Variants in PCDHGB2 observed in about 807,000 individuals in gnomAD.
The protein encoded by PCDHGB2 is protocadherin gamma subfamily B, 2.
PCDHGB2 carries 55 observed loss-of-function variants against 59.3 expected under a neutral mutation model. The ratio of observed to expected loss-of-function variants is 0.93; its 90% CI spans 0.75 to 1.16. PCDHGB2 has a LOEUF of 1.16. PCDHGB2 is among the 50% of genes most tolerant of loss of function. The pLI, the probability that PCDHGB2 is intolerant of heterozygous loss-of-function variation, is 0.00. For missense variants in PCDHGB2, 1,228 were observed against 1,198.5 expected (o/e 1.02, Z -0.36); for synonymous variants, 516 against 512.0 (o/e 1.01, Z -0.11).
At chr5:141,410,706 G>A in intron 1 of PCDHGB2, 1 of 1,454,410 alleles carries the variant, frequency 6.9e-7, no homozygotes, top group Non-Finnish European at 9.2e-7. Flanking sequence ...TTCATATCTA[G>A]AATCATATGT....
chr5:141,393,481 C>G (rs368525192), intron 1 of PCDHGB2: 11 of 1,613,948 alleles, frequency 6.8e-6, no homozygotes, highest in African/African-American at 5.3e-5. Flanking sequence ...CCGCCTCGCT[C>G]TAGCACAGTG....
intron 1 of PCDHGB2, chr5:141,433,358 C>CCCAT (rs1554125967): frequency 7.1e-5 from 36 of 503,934 alleles, no homozygotes; most frequent in African/African-American, 1.2e-4. Flanking sequence ...CTACTGTCTG[C>CCCAT]CTATCTATCT....
chr5:141,393,428 G>A (rs1043256482), intron 1 of PCDHGB2: 2 of 1,614,042 alleles, frequency 1.2e-6, no homozygotes, highest in Admixed American at 1.7e-5. Flanking sequence ...GGGAGGAAGA[G>A]GCTGCTCACC....
intron 1 of PCDHGB2, chr5:141,478,076 C>A: frequency 6.2e-7 from 1 of 1,614,106 alleles, no homozygotes. Context: ...CAATGGGGAG[C>A]CTTCGCTCTC....
chr5:141,433,017 A>G, intron 1 of PCDHGB2: 2 of 1,614,124 alleles, frequency 1.2e-6, no homozygotes, highest in Non-Finnish European at 8.5e-7. Context: ...CTGCAGACCT[A>G]TTCCCACGAG....
At chr5:141,419,259 CG>C in intron 1 of PCDHGB2, 1 of 1,614,016 alleles carries the variant, frequency 6.2e-7, no homozygotes, top group Non-Finnish European at 8.5e-7. Context: ...AACAACCAGC[CG>C]GGTGCCTCCA....
At chr5:141,412,932 T>C (rs2095590399) in intron 1 of PCDHGB2, 3 of 453,328 alleles carry the variant, frequency 6.6e-6, no homozygotes, top group South Asian at 1.0e-4. Flanking sequence ...AGTAACTTCT[T>C]AGGACTCTGA....
At chr5:141,408,558 T>A (rs748858215) in intron 1 of PCDHGB2, 48 of 1,613,898 alleles carry the variant, frequency 3.0e-5, no homozygotes, top group Non-Finnish European at 5.9e-6. Context: ...ATTTTTCATG[T>A]CATTGTGGTG....
chr5:141,448,912 T>C (rs1195715286), intron 1 of PCDHGB2, among the ~76,000 whole-genome samples: 1 of 152,152 alleles, frequency 6.6e-6, no homozygotes, highest in Non-Finnish European at 1.5e-5. Flanking sequence ...GCCACTGCAC[T>C]CCAGCCTGGG....
At chr5:141,390,529 T>C in intron 1 of PCDHGB2, 1 of 537,128 alleles carries the variant, frequency 1.9e-6, no homozygotes, top group Non-Finnish European at 3.3e-6. Context: ...GAGGGTGTGG[T>C]TTTAACCACA....
Position 141,360,424 on chromosome 5 carries a change from G to C in PCDHGB2, c.289G>C (p.Gly97Arg), listed in dbSNP as rs1561520496. ...SDRIDREQIC[G>R]KQPLCVLDFD... ...CAGAATAGACCGAGAACAGATATGCGGGAAGCAGCCTCTGTGTGTTCTGGA... is the reference window on the plus strand; with the variant it reads ...CAGAATAGACCGAGAACAGATATGCCGGAAGCAGCCTCTGTGTGTTCTGGA... Residue 97 changes from glycine (G) to arginine (R), a missense_variant, in exon 1 of 4, where the codon GGG becomes CGG. Gly to Arg is a moderately radical substitution (Grantham distance 125, BLOSUM62 -2). Around this residue, in one of 3 missense-constraint regions of PCDHGB2, gnomAD observed 781 missense variants for 721.6 expected, o/e 1.08. Coordinates refer to ENST00000522605, the MANE Select transcript of PCDHGB2 (RefSeq NM_018923.3). The C allele has an allele frequency of 1.2e-6, 2 of 1,613,958 alleles. No individual in the cohort carries two copies. Among genetic ancestry groups the C allele is most frequent in the East Asian group, 2.2e-5 (1 of 44,880 alleles).
rs1226194073 is a variant in PCDHGB2, at chr5:141,490,496, A to G, written c.2422-4311A>G. The G allele has an allele frequency of 6.2e-7, 1 of 1,614,096 alleles. No individual in the cohort carries two copies. Among genetic ancestry groups the G allele is most frequent in the East Asian group, 2.2e-5 (1 of 44,894 alleles). On this transcript the variant is annotated intron_variant, in intron 1 of 3. Coordinates refer to ENST00000522605, the MANE Select transcript of PCDHGB2 (RefSeq NM_018923.3). The surrounding 1 kb of genome is among the most constrained non-coding windows in gnomAD (Gnocchi z 5.4). ...CCTTTGGACCGGGAGGCCACATCCCACTATATCATCGAGCTGCTGGCCAGC... is the reference window on the plus strand; with the variant it reads ...CCTTTGGACCGGGAGGCCACATCCCGCTATATCATCGAGCTGCTGGCCAGC...
intron 1 of PCDHGB2, among the ~76,000 whole-genome samples, chr5:141,457,171 T>C (rs1337137368): frequency 3.3e-5 from 5 of 152,216 alleles, no homozygotes; most frequent in Non-Finnish European, 7.3e-5. Flanking sequence ...GATAACCCTA[T>C]TGCAAATAGT....
chr5:141,459,699 A>G (rs2098973201), intron 1 of PCDHGB2, among the ~76,000 whole-genome samples: 1 of 152,218 alleles, frequency 6.6e-6, no homozygotes, highest in Non-Finnish European at 1.5e-5. Flanking sequence ...TCCGCTTGCT[A>G]CATTTTCTCA....
In PCDHGB2 at chr5:141,407,217, G is replaced by C. The variant is rs181833770; in HGVS notation, c.2421+44661G>C. 5.8e-3 allele frequency among the ~76,000 whole-genome samples: 885 copies of C among 151,964 alleles called. 4 individuals carry two copies. Among genetic ancestry groups the C allele is most frequent in the Non-Finnish European group, 9.1e-3 (620 of 67,966 alleles). ...TCAAACACGTTTTCCCCCTTAAGTG[G>C]GTAGCAAAAAAAATAAAGCATACTT... On this transcript the variant is annotated intron_variant, in intron 1 of 3. Transcript: ENST00000522605.
At position 141,485,430 on chromosome 5, in the gene PCDHGB2, T is replaced by C; in HGVS notation, c.2422-9377T>C. The C allele has an allele frequency of 6.2e-7, 1 of 1,614,138 alleles. No individual in the cohort carries two copies. Among genetic ancestry groups the C allele is most frequent in the Non-Finnish European group, 8.5e-7 (1 of 1,180,022 alleles). On this transcript the variant is annotated intron_variant, in intron 1 of 3. Transcript: ENST00000522605. The surrounding 1 kb of genome is among the most constrained non-coding windows in gnomAD (Gnocchi z 5.7). ...GATTTGGACAGCGGAGCCCTGCTCA[T>C]CAAGAACCCAATCGACCGAGAGGCA... is the stretch of plus-strand genomic sequence containing the variant.
rs55729045 is a variant in PCDHGB2 at position 141,395,542 on chromosome 5, TTGTGTGTGTGTGTGTG to T, written c.2421+33020_2421+33035del. 64 of 172,628 alleles carry T rather than the reference TTGTGTGTGTGTGTGTG, an allele frequency of 3.7e-4. 1 individual carries two copies. Among genetic ancestry groups the T allele is most frequent in the South Asian group, 2.0e-3 (23 of 11,528 alleles). The allele number at this position is 172,628 out of a possible 1,614,324, so 10.7% of individuals were successfully genotyped here. A position where few individuals can be genotyped will look rare whatever the true frequency, so the allele number is the denominator to read the frequency against. ...TCCATACTGGTAATTTTGCTATTGT[TTGTGTGTGTGTGTGTG>T]TGTGTGTGTGTGTGTGTGTGTGTGT... On this transcript the variant is annotated intron_variant, in intron 1 of 3. Coordinates refer to ENST00000522605, the MANE Select transcript of PCDHGB2 (RefSeq NM_018923.3).
At chr5:141,404,321 T>A (rs764642673) in intron 1 of PCDHGB2, 7 of 1,613,764 alleles carry the variant, frequency 4.3e-6, no homozygotes, top group Non-Finnish European at 3.4e-6. Flanking sequence ...TCAAGCCTCC[T>A]ACTCAGTCTA....
intron 1 of PCDHGB2, chr5:141,415,066 C>G: frequency 6.2e-7 from 1 of 1,613,410 alleles, no homozygotes; most frequent in Non-Finnish European, 8.5e-7. Context: ...GGGCGAGGTG[C>G]GCACGGCGCG....
Sources: allele counts gnomAD v4.1 joint callset (sites outside exome capture counted in the v4.1 genomes callset), GRCh38; gene constraint gnomAD v4.1.1; regional missense constraint gnomAD v4.1.1; non-coding constraint Gnocchi (gnomAD v3.1); transcripts MANE v1.5; gene names NCBI Gene and HGNC (gene_info 2026-07-23, HGNC 2026-07-21).